The following ME1 variants were observed in gnomAD, a reference collection of about 807,000 sequenced individuals.
ME1 encodes the protein NADP-dependent malic enzyme.
In ME1, 74 loss-of-function variants were observed where a neutral mutation model predicts 66.4. The ratio of observed to expected loss-of-function variants is 1.11; its 90% CI spans 0.92 to 1.35. The LOEUF (loss-of-function observed/expected upper bound fraction) is 1.35. Among genes scored for constraint, ME1 ranks in the 40% most tolerant of loss-of-function variants. The probability of loss-of-function intolerance (pLI) is 0.00; values close to 1 mark genes in which losing one functional copy is unlikely to be tolerated. For missense variants in ME1, 750 were observed against 694.1 expected, an observed-to-expected ratio of 1.08 and a Z score of -0.90; for synonymous variants, 251 against 235.6, an observed-to-expected ratio of 1.07 and a Z score of -0.60.
intron 5 of ME1, among the ~76,000 whole-genome samples, chr6:83,342,449 T>C (rs1768605497): frequency 6.6e-6 from 1 of 152,220 alleles, no homozygotes; most frequent in African/African-American, 2.4e-5. Context: ...TAGTTACATG[T>C]GTATCTCCTC....
At chr6:83,404,450 T>C (rs891395326) in intron 2 of ME1, among the ~76,000 whole-genome samples, 5 of 152,184 alleles carry the variant, frequency 3.3e-5, no homozygotes, top group African/African-American at 1.2e-4. Context: ...TTCTATAGGG[T>C]GCCTGTTCAC....
At chr6:83,219,356 G>C (rs1267287419) in intron 12 of ME1, among the ~76,000 whole-genome samples, 1 of 152,150 alleles carries the variant, frequency 6.6e-6, no homozygotes, top group Non-Finnish European at 1.5e-5. Context: ...GTGGTTGAAG[G>C]CTCAGGCTCT....
intron 10 of ME1, among the ~76,000 whole-genome samples, 168 bp downstream of exon 10, chr6:83,228,658 G>A (rs997670766): frequency 7.9e-5 from 12 of 152,140 alleles, no homozygotes; most frequent in African/African-American, 2.9e-4. Flanking sequence ...AGAGAAAGAC[G>A]ACAGGACTAA....
rs756328212 is a variant in ME1, at chr6:83,212,021, C to A, written c.1622G>T (p.Arg541Leu). Reference sequence around the variant, plus strand: ...ATAATCAGTACTATACATCTGGGAGCGGACAAATGCTTCTTTGTTTTGCGG... The same window carrying A: ...ATAATCAGTACTATACATCTGGGAGAGGACAAATGCTTCTTTGTTTTGCGG... ...PEPQNKEAFV[R>L]SQMYSTDYDQ... The change falls in exon 14 of 14, where the codon CGC becomes CTC. Residue 541 changes from arginine to leucine, a missense_variant. Arg to Leu is a moderately radical substitution (Grantham distance 102). Coordinates refer to ENST00000369705, the MANE Select transcript of ME1 (RefSeq NM_002395.6). The A allele has an allele frequency of 1.2e-6, 2 of 1,612,700 alleles. No individual in the cohort carries two copies. Among genetic ancestry groups the A allele is most frequent in the Non-Finnish European group, 1.7e-6 (2 of 1,179,122 alleles).
At chr6:83,344,791 G>C (rs539632544) in intron 5 of ME1, among the ~76,000 whole-genome samples, 1 of 151,892 alleles carries the variant, frequency 6.6e-6, no homozygotes, top group Non-Finnish European at 1.5e-5. Flanking sequence ...GCTGAGGCAG[G>C]AGAATCGCTT....
intron 5 of ME1, among the ~76,000 whole-genome samples, chr6:83,325,591 A>G: frequency 6.6e-6 from 1 of 152,200 alleles, no homozygotes; most frequent in Non-Finnish European, 1.5e-5. Flanking sequence ...AGAGAGCCAA[A>G]TCATGAGTGA....
intron 6 of ME1, among the ~76,000 whole-genome samples, chr6:83,258,072 C>G (rs755929377): frequency 9.2e-5 from 14 of 152,120 alleles, no homozygotes; most frequent in Non-Finnish European, 1.3e-4. Flanking sequence ...AATGAAATCC[C>G]TACAATATGG....
At chr6:83,213,434 A>G (rs6928009) in intron 13 of ME1, among the ~76,000 whole-genome samples, 9,006 of 151,772 alleles carry the variant, frequency 0.059, 758 homozygotes, top group African/African-American at 0.19. Context: ...CAAAAACGAA[A>G]CAAAACAAAA....
intron 7 of ME1, among the ~76,000 whole-genome samples, chr6:83,248,439 G>A (rs1269157333): frequency 6.6e-6 from 1 of 152,028 alleles, no homozygotes; most frequent in Non-Finnish European, 1.5e-5. Flanking sequence ...AGCGCCAAAG[G>A]CACTTTATCA....
At chr6:83,301,878 A>G (rs1767727099) in intron 6 of ME1, among the ~76,000 whole-genome samples, 1 of 152,202 alleles carries the variant, frequency 6.6e-6, no homozygotes, top group Admixed American at 6.5e-5. Context: ...CTTTGTGGAA[A>G]GCAGTGTGCA....
At chr6:83,411,426 T>C (rs1028530678) in intron 1 of ME1, among the ~76,000 whole-genome samples, 1 of 152,060 alleles carries the variant, frequency 6.6e-6, no homozygotes, top group Non-Finnish European at 1.5e-5. Context: ...CTTTACAAGT[T>C]AAAAGAACAT....
At chr6:83,239,149 A>C (rs1215996926) in intron 8 of ME1, among the ~76,000 whole-genome samples, 5 of 152,000 alleles carry the variant, frequency 3.3e-5, no homozygotes, top group Non-Finnish European at 7.4e-5. Flanking sequence ...CTGAATTGTG[A>C]GTCAAATTTT....
intron 1 of ME1, among the ~76,000 whole-genome samples, chr6:83,426,768 G>T (rs931926930): frequency 6.6e-6 from 1 of 152,120 alleles, no homozygotes; most frequent in African/African-American, 2.4e-5. Context: ...TCTTAAACAT[G>T]ACTTATACTG....
At chr6:83,229,243 A>G in intron 9 of ME1, 1 of 433,628 alleles carries the variant, frequency 2.3e-6, no homozygotes, top group East Asian at 7.0e-5. Flanking sequence ...TGCAAAATAT[A>G]ATTTAAATAA....
At position 83,223,849 on chromosome 6, in the gene ME1, T is replaced by C. The variant is rs1265216123; in HGVS notation, c.1360A>G (p.Asn454Asp). 6.2e-7 allele frequency: 1 copy of C among 1,614,008 alleles called. No homozygotes were observed. Among genetic ancestry groups the C allele is most frequent in the Non-Finnish European group, 8.5e-7 (1 of 1,179,928 alleles). The change falls in exon 12 of 14, where the codon AAT (asparagine) becomes GAT (aspartate). Residue 454 changes from asparagine (N) to aspartate (D), a missense_variant. By Grantham distance (23) the Asn-to-Asp change is conservative. Coordinates refer to ENST00000369705, the MANE Select transcript of ME1 (RefSeq NM_002395.6). ...GQTLYPGQGN[N>D]SYVFPGVALG... Reference sequence around the variant, plus strand: ...GCAACTCCAGGGAACACATAGGAATTGTTGCCTTGGCCAGGATATAGGGTC... The same window carrying C: ...GCAACTCCAGGGAACACATAGGAATCGTTGCCTTGGCCAGGATATAGGGTC...
chr6:83,223,209 A>C (rs1790125335), intron 12 of ME1, among the ~76,000 whole-genome samples: 1 of 152,248 alleles, frequency 6.6e-6, no homozygotes, highest in Non-Finnish European at 1.5e-5. Context: ...GATGCAGTGC[A>C]GTAGTGCAAT....
chr6:83,353,685 AT>A (rs768319075), intron 3 of ME1, among the ~76,000 whole-genome samples: 2 of 152,092 alleles, frequency 1.3e-5, no homozygotes, highest in Non-Finnish European at 2.9e-5. Flanking sequence ...ATATTATCTC[AT>A]CTTGAGCAAG....
Position 83,216,686 on chromosome 6 carries a change from A to G in ME1, c.1450-90T>C. On this transcript the variant is annotated intron_variant, in intron 12 of 13. Coordinates refer to ENST00000369705, the MANE Select transcript of ME1 (RefSeq NM_002395.6). ...AATAACTAAGTGAACGGTTACATAT[A>G]ATGGTCTATACAAAAACCAGTGACA... 6.3e-6 allele frequency: 5 copies of G among 796,872 alleles called. No individual in the cohort carries two copies. The South Asian group carries it at 8.4e-5, about 13-fold the overall frequency. The allele number at this position is 796,872 out of a possible 1,614,324, so 49.4% of individuals were successfully genotyped here. A position where few individuals can be genotyped will look rare whatever the true frequency, so the allele number is the denominator to read the frequency against.
chr6:83,362,557 C>G (rs1275717410), intron 3 of ME1, among the ~76,000 whole-genome samples: 1 of 152,214 alleles, frequency 6.6e-6, no homozygotes, highest in Non-Finnish European at 1.5e-5. Flanking sequence ...CAAGGCTGAC[C>G]TGGCTATGGC....
Sources: allele counts gnomAD v4.1 joint callset (sites outside exome capture counted in the v4.1 genomes callset), GRCh38; gene constraint gnomAD v4.1.1; transcripts MANE v1.5; gene names NCBI Gene and HGNC (gene_info 2026-07-23, HGNC 2026-07-21).